RGS6: variants seen among roughly 807,000 people sequenced by gnomAD.
RGS6 encodes the protein regulator of G-protein signaling 6.
A neutral mutation model predicts 78.5 loss-of-function variants in RGS6; 30 were observed. The observed-to-expected ratio is 0.38, with a 90% confidence interval of 0.29 to 0.52. The LOEUF is 0.52. RGS6 is among the 20% of genes least tolerant of loss of function. The probability of loss-of-function intolerance (pLI) is 0.85; values close to 1 mark genes in which losing one functional copy is unlikely to be tolerated. For synonymous variants in RGS6, 206 were observed against 206.0 expected (o/e 1.00, Z 0.00); for missense variants, 495 against 609.7 (o/e 0.81, Z 1.98).
chr14:72,597,965 A>T, the RGS6 span, among the ~76,000 whole-genome samples: 1 of 152,134 alleles, frequency 6.6e-6, no homozygotes, highest in Non-Finnish European at 1.5e-5. Context: ...GTGTTGAGAC[A>T]CCCTGTGCCC....
chr14:72,278,956 T>C (rs1364607581), intron 2 of RGS6, among the ~76,000 whole-genome samples: 2 of 152,078 alleles, frequency 1.3e-5, no homozygotes, highest in Admixed American at 1.3e-4. Context: ...CTCTTCTTTG[T>C]GCACATGTGG....
chr14:72,280,268 G>A (rs563756644), intron 2 of RGS6, among the ~76,000 whole-genome samples: 157 of 152,138 alleles, frequency 1.0e-3, no homozygotes, highest in African/African-American at 3.5e-3. Flanking sequence ...AAAGTGAATA[G>A]GTTTTTAAAA....
At chr14:72,544,941 G>C (rs1340522561) in intron 17 of RGS6, among the ~76,000 whole-genome samples, 1 of 152,188 alleles carries the variant, frequency 6.6e-6, no homozygotes, top group African/African-American at 2.4e-5. Flanking sequence ...AGGCAATCAG[G>C]GCAGTCAGCC....
chr14:71,942,833 AGT>A (rs938023114), intron 1 of RGS6, among the ~76,000 whole-genome samples: 3 of 152,134 alleles, frequency 2.0e-5, no homozygotes, highest in African/African-American at 7.2e-5. Context: ...CTTCAAAAAA[AGT>A]GTAAATATTT....
chr14:72,538,903 C>T (rs2097284890), intron 16 of RGS6, among the ~76,000 whole-genome samples: 1 of 152,254 alleles, frequency 6.6e-6, no homozygotes, highest in Admixed American at 6.5e-5. Flanking sequence ...TTTGGCCTGT[C>T]CCCTCTGCTT....
At chr14:72,128,357 TAAGTA>T (rs1174832806) in intron 2 of RGS6, among the ~76,000 whole-genome samples, 1 of 152,196 alleles carries the variant, frequency 6.6e-6, no homozygotes, top group Non-Finnish European at 1.5e-5. Context: ...TAATCAAACT[TAAGTA>T]AATTATTGGC....
intron 2 of RGS6, among the ~76,000 whole-genome samples, chr14:72,243,639 T>C (rs1289852284): frequency 6.6e-6 from 1 of 152,230 alleles, no homozygotes; most frequent in African/African-American, 2.4e-5. Flanking sequence ...CTTTCCTTTT[T>C]GTTTAGATTT....
At chr14:71,930,013 G>C (rs2087778099), upstream of RGS6, among the ~76,000 whole-genome samples, 1 of 152,142 alleles carries the variant, frequency 6.6e-6, no homozygotes, top group Non-Finnish European at 1.5e-5. Context: ...AAGGAACTGT[G>C]GTTCCTTTCA....
the RGS6 span, among the ~76,000 whole-genome samples, chr14:71,893,097 T>C: frequency 6.6e-6 from 1 of 152,256 alleles, no homozygotes; most frequent in African/African-American, 2.4e-5. Flanking sequence ...AGGCAGTTAG[T>C]TAATATTTAT....
chr14:72,377,355 G>GT (rs1350631858), intron 3 of RGS6, among the ~76,000 whole-genome samples: 1 of 152,038 alleles, frequency 6.6e-6, no homozygotes, highest in Non-Finnish European at 1.5e-5. Flanking sequence ...TATAACAATT[G>GT]TAAACATATA....
At chr14:72,311,722 T>C (rs1448039817) in intron 2 of RGS6, among the ~76,000 whole-genome samples, 1 of 152,232 alleles carries the variant, frequency 6.6e-6, no homozygotes, top group Non-Finnish European at 1.5e-5. Context: ...GCTCCATTCA[T>C]TGTCACTTGA....
upstream of RGS6, among the ~76,000 whole-genome samples, chr14:71,927,465 A>G (rs2087731052): frequency 6.6e-6 from 1 of 152,188 alleles, no homozygotes. Flanking sequence ...TCACACTGTA[A>G]TCAATTTGCT....
intron 2 of RGS6, among the ~76,000 whole-genome samples, chr14:72,211,784 A>G (rs549482912): frequency 2.5e-4 from 38 of 152,320 alleles, no homozygotes; most frequent in African/African-American, 8.4e-4. Flanking sequence ...AGAGGAAAAA[A>G]GAAGAGGGCT....
In RGS6 at chr14:72,080,752, C is replaced by T. The variant is rs905877382; in HGVS notation, c.84+115877C>T. Among the ~76,000 whole-genome samples the T allele has an allele frequency of 4.6e-5, 7 of 152,176 alleles. No individual in the cohort carries two copies. The East Asian group carries it at 1.4e-3, about 29-fold the overall frequency. On this transcript the variant is annotated intron_variant, in intron 2 of 17. Coordinates refer to ENST00000553525, the MANE Select transcript of RGS6 (RefSeq NM_001204424.2). ...TCTGTATGTGGATATCCAGTTTTCC[C>T]AACACCATTTATTTAAGAGACAGTC...
At chr14:72,287,705 G>T (rs534696259) in intron 2 of RGS6, among the ~76,000 whole-genome samples, 2 of 152,112 alleles carry the variant, frequency 1.3e-5, no homozygotes. Context: ...TGATCTGCCC[G>T]CCTTGGCCTC....
rs1051208116 is a variant in RGS6 at position 72,422,080 on chromosome 14, G to A, written c.185-32448G>A. 5.3e-5 allele frequency among the ~76,000 whole-genome samples: 8 copies of A among 152,198 alleles called. No individual in the cohort carries two copies. In the South Asian group the frequency reaches 1.7e-3, roughly 32 times the overall value. On this transcript the variant is annotated intron_variant, in intron 3 of 17. Transcript: ENST00000553525. Reference sequence around the variant, plus strand: ...CATGAGATATGATGGTATCATAATGGGGGGAGGTTCCCCTGCACAAGCTCT... The same window carrying A: ...CATGAGATATGATGGTATCATAATGAGGGGAGGTTCCCCTGCACAAGCTCT...
chr14:72,473,071 C>T (rs1462681004), intron 9 of RGS6, 118 bp downstream of exon 9: 10 of 635,196 alleles, frequency 1.6e-5, no homozygotes, highest in Middle Eastern at 3.4e-4. Context: ...AATCGCTCAG[C>T]TTTGTGGAAC....
the RGS6 span, among the ~76,000 whole-genome samples, chr14:72,623,645 A>G: frequency 1.3e-5 from 2 of 152,258 alleles, no homozygotes; most frequent in African/African-American, 4.8e-5. Flanking sequence ...AATGTAGGCC[A>G]ATGAAGTTAA....
At chr14:71,876,038 A>T in the RGS6 span, among the ~76,000 whole-genome samples, 5 of 152,124 alleles carry the variant, frequency 3.3e-5, no homozygotes, top group Non-Finnish European at 5.9e-5. Context: ...GTTCTTTTAC[A>T]TTTGCTGAGG....
Sources: gnomAD v4.1 joint callset for allele counts (sites outside exome capture counted in the v4.1 genomes callset) on GRCh38, gnomAD v4.1.1 for gene constraint, MANE v1.5 for transcripts, NCBI Gene and HGNC (gene_info 2026-07-23, HGNC 2026-07-21) for gene names.